The following BMAL2 variants were observed in gnomAD, a reference collection of about 807,000 sequenced individuals.
BMAL2 encodes the protein basic helix-loop-helix ARNT-like protein 2.
chr12:27,405,535 G>T, the BMAL2 span, among the ~76,000 whole-genome samples: 1 of 152,332 alleles, frequency 6.6e-6, no homozygotes, highest in African/African-American at 2.4e-5. Context: ...GCAGCTGAGG[G>T]TCCTGACTGT....
the BMAL2 span, among the ~76,000 whole-genome samples, chr12:27,407,082 G>C: frequency 6.6e-6 from 1 of 152,168 alleles, no homozygotes; most frequent in Non-Finnish European, 1.5e-5. Flanking sequence ...GGAGCACCCA[G>C]ATTCATAAAG....
the BMAL2 span, among the ~76,000 whole-genome samples, chr12:27,339,177 A>G: frequency 1.3e-5 from 2 of 151,996 alleles, no homozygotes; most frequent in Admixed American, 1.3e-4. Context: ...TGTTCTCATC[A>G]TTTAGCTCCC....
At chr12:27,415,045 G>A in the BMAL2 span, among the ~76,000 whole-genome samples, 1 of 152,156 alleles carries the variant, frequency 6.6e-6, no homozygotes, top group Non-Finnish European at 1.5e-5. Context: ...TAAAAATAGA[G>A]TAGATAGGTG....
At chr12:27,406,907 G>A in the BMAL2 span, among the ~76,000 whole-genome samples, 5 of 152,022 alleles carry the variant, frequency 3.3e-5, no homozygotes, top group Non-Finnish European at 1.5e-5. Context: ...GATCTACCAA[G>A]CAAATGGAAA....
chr12:27,355,046 C>T, the BMAL2 span, among the ~76,000 whole-genome samples: 23 of 152,290 alleles, frequency 1.5e-4, no homozygotes, highest in Admixed American at 1.5e-3. Flanking sequence ...TTGTGTATTT[C>T]AGCACTAGGA....
chr12:27,419,481 G>A, the BMAL2 span, among the ~76,000 whole-genome samples: 1 of 152,188 alleles, frequency 6.6e-6, no homozygotes, highest in Non-Finnish European at 1.5e-5. Context: ...CAACTCCCAT[G>A]ATAATGACAG....
the BMAL2 span, among the ~76,000 whole-genome samples, chr12:27,402,206 A>T: frequency 6.6e-6 from 1 of 152,092 alleles, no homozygotes; most frequent in Admixed American, 6.6e-5. Context: ...CCCCGTTGTA[A>T]GTCTTACTTT....
the BMAL2 span, among the ~76,000 whole-genome samples, chr12:27,378,998 A>T: frequency 1.1e-4 from 16 of 152,166 alleles, no homozygotes; most frequent in Admixed American, 2.0e-4. Context: ...TGGGCCACAC[A>T]TAAAATACAC....
chr12:27,387,663 C>T, the BMAL2 span, among the ~76,000 whole-genome samples: 1 of 152,168 alleles, frequency 6.6e-6, no homozygotes, highest in South Asian at 2.1e-4. Flanking sequence ...TTCTCTGTTC[C>T]CTCCAAGAGA....
the BMAL2 span, among the ~76,000 whole-genome samples, chr12:27,398,520 A>G: frequency 6.6e-6 from 1 of 152,016 alleles, no homozygotes; most frequent in Admixed American, 6.6e-5. Flanking sequence ...AGCGAGCTGT[A>G]TTTTTTTCTT....
At chr12:27,362,052 C>A in the BMAL2 span, among the ~76,000 whole-genome samples, 1 of 151,652 alleles carries the variant, frequency 6.6e-6, no homozygotes, top group African/African-American at 2.4e-5. Flanking sequence ...CGTTTTATTT[C>A]TGTCTCTGAA....
chr12:27,420,609 A>G, the BMAL2 span: 8 of 1,430,482 alleles, frequency 5.6e-6, no homozygotes, highest in East Asian at 1.9e-4. Flanking sequence ...ACTATTCTTA[A>G]GTACTGTATT....
the BMAL2 span, among the ~76,000 whole-genome samples, chr12:27,387,567 A>C: frequency 1.3e-5 from 2 of 152,188 alleles, no homozygotes; most frequent in Non-Finnish European, 2.9e-5. Flanking sequence ...CTATGTAAAA[A>C]GTCAAAATGA....
the BMAL2 span, among the ~76,000 whole-genome samples, chr12:27,409,085 A>G: frequency 6.6e-6 from 1 of 152,192 alleles, no homozygotes; most frequent in African/African-American, 2.4e-5. Flanking sequence ...CTGCTCAATG[A>G]AATAAAAGAG....
the BMAL2 span, chr12:27,418,248 C>T: frequency 8.3e-7 from 1 of 1,204,962 alleles, no homozygotes. Flanking sequence ...AAACCCCCCT[C>T]TTAATCACTA....
At chr12:27,403,641 C>CTGGAAA in the BMAL2 span, 2 of 630,502 alleles carry the variant, frequency 3.2e-6, no homozygotes, top group African/African-American at 3.8e-5. Flanking sequence ...AAATGATAAC[C>CTGGAAA]AGTTTAATAT....
At chr12:27,392,924 G>A in the BMAL2 span, among the ~76,000 whole-genome samples, 1 of 151,956 alleles carries the variant, frequency 6.6e-6, no homozygotes, top group South Asian at 2.1e-4. Flanking sequence ...ACCTGATTTC[G>A]CCCTCTGCCC....
At chr12:27,403,364 C>A in the BMAL2 span, 1 of 1,063,210 alleles carries the variant, frequency 9.4e-7, no homozygotes, top group Non-Finnish European at 1.4e-6. Context: ...AAGGAGAGAA[C>A]TGTGAAATTA....
At chr12:27,376,832 C>G in the BMAL2 span, among the ~76,000 whole-genome samples, 96 of 151,748 alleles carry the variant, frequency 6.3e-4, no homozygotes, top group African/African-American at 2.2e-3. Context: ...AACCCCGTCT[C>G]TACTAAAAAT....
Sources: gnomAD v4.1 joint callset for allele counts (sites outside exome capture counted in the v4.1 genomes callset) on GRCh38, gnomAD v4.1.1 for gene constraint, MANE v1.5 for transcripts, NCBI Gene and HGNC (gene_info 2026-07-23, HGNC 2026-07-21) for gene names.